Variants in PPP1R12A observed in about 807,000 individuals in gnomAD.
PPP1R12A encodes myosin binding subunit.
Under a neutral mutation model 139.6 loss-of-function variants are expected in PPP1R12A, and 19 were observed. The observed-to-expected ratio is 0.14, with a 90% CI of 0.09 to 0.20. The LOEUF (loss-of-function observed/expected upper bound fraction) is 0.20. Ranked by LOEUF, PPP1R12A falls within the 10% of genes least tolerant of loss-of-function variation. PPP1R12A has a pLI of 1.00. For synonymous variants in PPP1R12A, 427 were observed against 420.6 expected (o/e 1.02, Z -0.19); for missense variants, 925 against 1,211.5 (o/e 0.76, Z 3.51).
chr12:79,816,387 A>G (rs187426801), intron 9 of PPP1R12A, among the ~76,000 whole-genome samples: 1 of 152,230 alleles, frequency 6.6e-6, no homozygotes, highest in Admixed American at 6.5e-5. Context: ...TGATTACTGC[A>G]ATCAATTTTT....
chr12:79,801,055 C>T (rs1425925445), intron 14 of PPP1R12A, among the ~76,000 whole-genome samples: 1 of 151,264 alleles, frequency 6.6e-6, no homozygotes, highest in Non-Finnish European at 1.5e-5. Context: ...TTAAAAAAGG[C>T]TCTTTCTTGG....
chr12:79,784,845 G>T (rs977091605), intron 22 of PPP1R12A, among the ~76,000 whole-genome samples: 6 of 152,012 alleles, frequency 3.9e-5, no homozygotes, highest in Non-Finnish European at 1.5e-5. Context: ...CACTATGTTG[G>T]CCAGGCTGGT....
intron 1 of PPP1R12A, among the ~76,000 whole-genome samples, chr12:79,928,732 A>T (rs1173314825): frequency 2.0e-5 from 3 of 152,236 alleles, no homozygotes; most frequent in Non-Finnish European, 4.4e-5. Flanking sequence ...GCTAACAAGC[A>T]ACTCAAAATT....
At chr12:79,825,836 G>A (rs138665974) in intron 5 of PPP1R12A, among the ~76,000 whole-genome samples, 181 of 151,824 alleles carry the variant, frequency 1.2e-3, no homozygotes, top group African/African-American at 4.3e-3. Flanking sequence ...CATGATGTAT[G>A]ACAATTTAAA....
At chr12:79,838,503 C>A (rs1878343787) in intron 3 of PPP1R12A, among the ~76,000 whole-genome samples, 1 of 152,222 alleles carries the variant, frequency 6.6e-6, no homozygotes, top group Non-Finnish European at 1.5e-5. Flanking sequence ...ACTTTCAAGG[C>A]AGCCCTTCCC....
intron 8 of PPP1R12A, chr12:79,819,182 C>T (rs1875778151): frequency 6.6e-6 from 1 of 152,146 alleles, no homozygotes; most frequent in African/African-American, 2.4e-5. Flanking sequence ...AAACCGGGAA[C>T]AAATACAATG....
intron 3 of PPP1R12A, among the ~76,000 whole-genome samples, chr12:79,832,843 T>G (rs2137156769): frequency 6.6e-6 from 1 of 152,284 alleles, no homozygotes; most frequent in East Asian, 1.9e-4. Flanking sequence ...GTCTCAAATT[T>G]CTATCTACTG....
At chr12:79,797,057 A>C (rs1592627595) in intron 16 of PPP1R12A, 107 bp from the exon 17 acceptor site, 2 of 1,374,538 alleles carry the variant, frequency 1.5e-6, no homozygotes, top group East Asian at 4.7e-5. Context: ...TAATCACGCC[A>C]AAGTAATTCA....
At chr12:79,827,171 T>A (rs1237842050) in intron 5 of PPP1R12A, among the ~76,000 whole-genome samples, 3 of 152,190 alleles carry the variant, frequency 2.0e-5, no homozygotes, top group African/African-American at 7.2e-5. Context: ...AAGTAAATTA[T>A]TGAAAGTTTT....
chr12:79,898,074 T>G (rs544356161), intron 1 of PPP1R12A, among the ~76,000 whole-genome samples: 16 of 152,314 alleles, frequency 1.1e-4, no homozygotes, highest in African/African-American at 3.6e-4. Flanking sequence ...CACATTCTAT[T>G]TATCACCTCA....
At chr12:79,853,083 G>A (rs1196689463) in intron 2 of PPP1R12A, among the ~76,000 whole-genome samples, 1 of 152,172 alleles carries the variant, frequency 6.6e-6, no homozygotes, top group African/African-American at 2.4e-5. Flanking sequence ...GTGTTAGGGT[G>A]CCTCATAACA....
intron 1 of PPP1R12A, among the ~76,000 whole-genome samples, chr12:79,887,914 C>T (rs1884252397): frequency 6.6e-6 from 1 of 152,018 alleles, no homozygotes; most frequent in Non-Finnish European, 1.5e-5. Context: ...AGTTATTTCC[C>T]AAAAACATCT....
intron 19 of PPP1R12A, among the ~76,000 whole-genome samples, chr12:79,792,869 C>T (rs756843804): frequency 7.9e-5 from 12 of 152,068 alleles, no homozygotes; most frequent in Admixed American, 2.0e-4. Context: ...AAGCTTTAGG[C>T]CTGCAAATAA....
chr12:79,876,093 C>T (rs1035701862), intron 1 of PPP1R12A, among the ~76,000 whole-genome samples: 1 of 152,180 alleles, frequency 6.6e-6, no homozygotes, highest in Non-Finnish European at 1.5e-5. Flanking sequence ...TAAGATATGA[C>T]TGTATCCACA....
intron 3 of PPP1R12A, among the ~76,000 whole-genome samples, chr12:79,841,650 G>T (rs1176438456): frequency 6.6e-6 from 1 of 152,132 alleles, no homozygotes; most frequent in African/African-American, 2.4e-5. Context: ...CATAACAACT[G>T]CTAATATCAG....
At chr12:79,829,988 T>C (rs1877226970) in intron 4 of PPP1R12A, among the ~76,000 whole-genome samples, 8 of 151,282 alleles carry the variant, frequency 5.3e-5, no homozygotes. Flanking sequence ...TTGAAAGGAG[T>C]TGTGTGTGTT....
At chr12:79,863,566 G>C (rs913136437) in intron 2 of PPP1R12A, among the ~76,000 whole-genome samples, 2 of 141,248 alleles carry the variant, frequency 1.4e-5, no homozygotes, top group African/African-American at 5.3e-5. Flanking sequence ...CTGTATTCAG[G>C]AGACCCATCT....
intron 22 of PPP1R12A, among the ~76,000 whole-genome samples, chr12:79,783,981 G>GGA (rs1286989821): frequency 2.6e-5 from 4 of 152,168 alleles, no homozygotes; most frequent in Admixed American, 2.0e-4. Flanking sequence ...GATATGGGAA[G>GGA]GAGGGTACCT....
At chr12:79,854,838 A>AT (rs146633583) in intron 2 of PPP1R12A, among the ~76,000 whole-genome samples, 1 of 151,698 alleles carries the variant, frequency 6.6e-6, no homozygotes, top group East Asian at 2.0e-4. Flanking sequence ...GGCCCAGCTG[A>AT]TTTTTTTGTT....
Sources: allele counts gnomAD v4.1 joint callset (sites outside exome capture counted in the v4.1 genomes callset), GRCh38; gene constraint gnomAD v4.1.1; transcripts MANE v1.5; gene names NCBI Gene and HGNC (gene_info 2026-07-23, HGNC 2026-07-21).